The following TICAM2 variants were observed in gnomAD, a reference collection of about 807,000 sequenced individuals.
The protein encoded by TICAM2 is TIR domain-containing adapter molecule 2.
In TICAM2, 8 loss-of-function variants were observed where a neutral mutation model predicts 7.3. The observed-to-expected ratio is 1.10, with a 90% CI of 0.65 to 1.99. The LOEUF is 1.99. TICAM2 is among the 30% of genes most tolerant of loss of function. TICAM2 has a pLI of 0.00. For missense variants in TICAM2, 304 were observed against 278.8 expected (o/e 1.09, Z -0.65); for synonymous variants, 113 against 99.6 (o/e 1.13, Z -0.80).
Position 115,578,646 on chromosome 5 carries a change from G to C in TICAM2, c.*1903C>G, listed in dbSNP as rs978303149. The C allele has an allele frequency of 5.3e-5, 8 of 152,214 alleles. No homozygotes were observed. In the South Asian group the frequency reaches 6.2e-4, roughly 12 times the overall value. The allele number at this position is 152,214 out of a possible 1,614,324, so 9.4% of individuals were successfully genotyped here. A position where few individuals can be genotyped will look rare whatever the true frequency, so the allele number is the denominator to read the frequency against. ...GTTGAAAATAAACAAGTTTAGTCAA[G>C]AGTAAAGAATAAAAACATTTATTTT... is the stretch of plus-strand genomic sequence containing the variant. On this transcript the variant is annotated 3_prime_UTR_variant, in exon 2 of 2. Transcript: ENST00000427199.
chr5:115,586,534 G>A (rs1755112881), intron 1 of TICAM2, among the ~76,000 whole-genome samples: 1 of 152,074 alleles, frequency 6.6e-6, no homozygotes, highest in Admixed American at 6.6e-5. Context: ...CAGCTGCTAA[G>A]GAAAGAAAAC....
rs375772194 is a variant in TICAM2, at chr5:115,581,122, A to G, written c.135T>C (p.Val45=). The G allele has an allele frequency of 6.2e-7, 1 of 1,614,048 alleles. No homozygotes were observed. The highest frequency in any genetic ancestry group is 8.5e-7 in the Non-Finnish European group (1 of 1,180,048). Residue 45 remains valine, a synonymous_variant, in exon 2 of 2, where the codon GTT becomes GTC. Transcript: ENST00000427199. ...KKSEDLSLCN[V]AEHSNTTEGP... Reference sequence around the variant, plus strand: ...CCTCTGTTGTATTGCTGTGCTCAGCAACATTACACAAGGATAGATCTTCAG... The same window carrying G: ...CCTCTGTTGTATTGCTGTGCTCAGCGACATTACACAAGGATAGATCTTCAG...
intron 1 of TICAM2, among the ~76,000 whole-genome samples, chr5:115,582,141 T>C (rs1477278166): frequency 6.6e-6 from 1 of 152,032 alleles, no homozygotes; most frequent in East Asian, 1.9e-4. Context: ...TTTGTTGTTA[T>C]TTATTTATTC....
At chr5:115,583,202 G>C (rs939183010) in intron 1 of TICAM2, among the ~76,000 whole-genome samples, 2 of 152,096 alleles carry the variant, frequency 1.3e-5, no homozygotes, top group African/African-American at 4.8e-5. Context: ...CCCTGAATGA[G>C]AAAACAATAG....
intron 1 of TICAM2, among the ~76,000 whole-genome samples, chr5:115,587,950 G>A (rs1450164206): frequency 1.3e-5 from 2 of 152,170 alleles, no homozygotes; most frequent in African/African-American, 2.4e-5. Flanking sequence ...AACGGAACAG[G>A]AGTGGCCCAG....
Position 115,579,098 on chromosome 5 carries a change from G to A in TICAM2, c.*1451C>T, listed in dbSNP as rs556175293. On this transcript the variant is annotated 3_prime_UTR_variant, in exon 2 of 2. Transcript: ENST00000427199. ...TAAAAATTTATTTTTAAGAAAGCCT[G>A]AGTAAGCATGTATATTTTTTTCCTG... is the stretch of plus-strand genomic sequence containing the variant. 1 of 152,728 alleles carries A rather than the reference G, an allele frequency of 6.5e-6. No individual in the cohort carries two copies. The highest frequency in any genetic ancestry group is 2.1e-4 in the South Asian group (1 of 4,822). 9.5% of individuals were successfully genotyped at this position (152,728 alleles called of 1,614,324 possible). A position where few individuals can be genotyped will look rare whatever the true frequency, so the allele number is the denominator to read the frequency against.
intron 1 of TICAM2, among the ~76,000 whole-genome samples, chr5:115,599,814 A>C (rs184480465): frequency 3.6e-4 from 55 of 152,084 alleles, no homozygotes; most frequent in Admixed American, 3.1e-3. Context: ...ACTAGATCAC[A>C]CAGGGCTTTA....
intron 1 of TICAM2, among the ~76,000 whole-genome samples, chr5:115,582,152 A>C (rs1284694800): frequency 6.6e-6 from 1 of 151,466 alleles, no homozygotes; most frequent in Non-Finnish European, 1.5e-5. Flanking sequence ...TTATTTATTC[A>C]TTTATTTATT....
rs916305394 is a variant in TICAM2 at position 115,579,184 on chromosome 5, C to T, written c.*1365G>A. On this transcript the variant is annotated 3_prime_UTR_variant, in exon 2 of 2. Transcript: ENST00000427199. The stretch of plus-strand genomic sequence containing the variant: ...TATGCTGTCAATATACAAAAAATAT[C>T]TTTTCATTATAAGCATATATAAAGC... The T allele has an allele frequency of 1.3e-5, 2 of 152,552 alleles. No homozygotes were observed. The highest frequency in any genetic ancestry group is 4.8e-5 in the African/African-American group (2 of 41,426). 9.4% of individuals were successfully genotyped at this position (152,552 alleles called of 1,614,324 possible).
intron 1 of TICAM2, among the ~76,000 whole-genome samples, chr5:115,599,068 A>C (rs1282815724): frequency 6.6e-6 from 1 of 151,846 alleles, no homozygotes; most frequent in Non-Finnish European, 1.5e-5. Context: ...GTCTCAAAAA[A>C]AAAAAAAAAA....
intron 1 of TICAM2, among the ~76,000 whole-genome samples, chr5:115,594,793 A>G (rs951059500): frequency 1.3e-5 from 2 of 152,220 alleles, no homozygotes; most frequent in Non-Finnish European, 2.9e-5. Context: ...TGGCATTAAG[A>G]AGGCACCATA....
Position 115,581,247 on chromosome 5 carries a change from C to T in TICAM2, c.10G>A (p.Gly4Arg), listed in dbSNP as rs761099458. The change falls in exon 2 of 2, where the codon GGG becomes AGG. Residue 4 changes from glycine to arginine, a missense_variant. Coordinates refer to ENST00000427199, the MANE Select transcript of TICAM2 (RefSeq NM_021649.7). The part of the protein sequence containing the change: MGI[G>R]KSKINSCPLS... ...GGGCAGGAATTTATTTTAGACTTCC[C>T]GATACCCATTATAAATATCCAAGGC... The T allele has an allele frequency of 3.8e-5, 61 of 1,606,818 alleles. No homozygotes were observed. The highest frequency in any genetic ancestry group is 4.6e-5 in the Non-Finnish European group (54 of 1,179,978).
chr5:115,591,826 G>C (rs1755314717), intron 1 of TICAM2, among the ~76,000 whole-genome samples: 1 of 152,114 alleles, frequency 6.6e-6, no homozygotes, highest in African/African-American at 2.4e-5. Flanking sequence ...GTGTAAATTG[G>C]AGTCCCAAAT....
At chr5:115,594,886 T>C (rs999582141) in intron 1 of TICAM2, among the ~76,000 whole-genome samples, 65 of 152,274 alleles carry the variant, frequency 4.3e-4, no homozygotes, top group African/African-American at 1.5e-3. Context: ...ATCATGACTT[T>C]AGGAGATTTT....
At chr5:115,601,388 T>C (rs190925463) in intron 1 of TICAM2, among the ~76,000 whole-genome samples, 27 of 152,028 alleles carry the variant, frequency 1.8e-4, no homozygotes, top group Non-Finnish European at 3.2e-4. Flanking sequence ...TCAGGCTTGT[T>C]TGAAAAACAC....
chr5:115,582,607 C>T (rs1754969164), intron 1 of TICAM2, among the ~76,000 whole-genome samples: 1 of 152,182 alleles, frequency 6.6e-6, no homozygotes, highest in East Asian at 1.9e-4. Flanking sequence ...CTAATAAAAT[C>T]CCCCAGACAG....
chr5:115,585,364 C>CGTT (rs1755065836), intron 1 of TICAM2, among the ~76,000 whole-genome samples: 2 of 152,138 alleles, frequency 1.3e-5, no homozygotes, highest in South Asian at 4.1e-4. Flanking sequence ...CTGTTTCTTA[C>CGTT]CAGTCAATGA....
chr5:115,600,891 G>C (rs1170493268), intron 1 of TICAM2, among the ~76,000 whole-genome samples: 1 of 152,194 alleles, frequency 6.6e-6, no homozygotes, highest in Non-Finnish European at 1.5e-5. Context: ...ATTAAAGACA[G>C]AAGATTTAAC....
At chr5:115,583,885 T>C (rs941504874) in intron 1 of TICAM2, among the ~76,000 whole-genome samples, 4 of 152,220 alleles carry the variant, frequency 2.6e-5, no homozygotes, top group Non-Finnish European at 5.9e-5. Flanking sequence ...ATCAGAACAA[T>C]GAACACCAGG....
Sources: allele counts gnomAD v4.1 joint callset (sites outside exome capture counted in the v4.1 genomes callset), GRCh38; gene constraint gnomAD v4.1.1; transcripts MANE v1.5; gene names NCBI Gene and HGNC (gene_info 2026-07-23, HGNC 2026-07-21).